DOCK9: variants seen among roughly 807,000 people sequenced by gnomAD.
DOCK9 encodes dedicator of cytokinesis 9.
In DOCK9, 89 loss-of-function variants were observed where a neutral mutation model predicts 263.3. That is an observed-to-expected ratio of 0.34 (90% CI 0.28 to 0.40). The LOEUF (loss-of-function observed/expected upper bound fraction) is 0.40. Among genes scored for constraint, DOCK9 ranks in the 10% least tolerant of loss-of-function variants. The pLI is 1.00. For missense variants in DOCK9, 2,140 were observed against 2,603.4 expected (o/e 0.82, Z 3.87); for synonymous variants, 976 against 973.1 (o/e 1.00, Z -0.06).
intron 1 of DOCK9, among the ~76,000 whole-genome samples, chr13:99,000,687 A>C (rs1396000793): frequency 6.6e-6 from 1 of 152,216 alleles, no homozygotes; most frequent in Non-Finnish European, 1.5e-5. Context: ...CAGCTTGGAA[A>C]TGAATGACAA....
intron 3 of DOCK9, 131 bp from the exon 4 acceptor site, chr13:98,926,050 T>C (rs9557092): frequency 0.2 from 116,365 of 587,000 alleles, 13,871 homozygotes; most frequent in East Asian, 0.35. Flanking sequence ...AACGAGCTAA[T>C]GCCTGAAATT....
rs369397122 is a variant in DOCK9 at position 98,868,261 on chromosome 13, G to A, written c.3060C>T (p.Asn1020=). 279 of 1,613,902 alleles carry A rather than the reference G, an allele frequency of 1.7e-4. 2 individuals are homozygous for A. The highest frequency in any genetic ancestry group is 1.3e-3 in the African/African-American group (98 of 75,010). The change falls in exon 28 of 53, where the codon AAC becomes AAT. Residue 1020 remains asparagine, a synonymous_variant. Transcript: ENST00000682017. ...TGAAGACAGCAAGGCTATGATTCGC[G>A]TTCTTAGATGCCTCTGGATTATCTC... The part of the protein sequence containing the change: ...KFRDNPEASK[N]ANHSLAVFIK...
chr13:98,832,415 T>C (rs747148385), intron 39 of DOCK9, among the ~76,000 whole-genome samples: 1 of 151,950 alleles, frequency 6.6e-6, no homozygotes, highest in Non-Finnish European at 1.5e-5. Context: ...AGACATGAGA[T>C]CAAGTGTAGA....
At chr13:98,916,528 C>T (rs2050916993) in intron 7 of DOCK9, among the ~76,000 whole-genome samples, 1 of 152,202 alleles carries the variant, frequency 6.6e-6, no homozygotes, top group African/African-American at 2.4e-5. Flanking sequence ...AGGGACAGGG[C>T]AACCCTCCCA....
chr13:98,976,143 G>T lies in DOCK9; in HGVS notation c.126+1641C>A, dbSNP rs61566451. Among the ~76,000 whole-genome samples, 591 of 152,286 alleles carry T rather than the reference G, an allele frequency of 3.9e-3. 1 individual carries two copies. The highest frequency in any genetic ancestry group is 0.013 in the African/African-American group (549 of 41,550). On this transcript the variant is annotated intron_variant, in intron 1 of 52. Transcript: ENST00000682017. The stretch of plus-strand genomic sequence containing the variant: ...GAAAAAACTTCTGGTATCACTGTTG[G>T]CTTCCTCACTCCCTCACCCCTCTCT...
intron 38 of DOCK9, among the ~76,000 whole-genome samples, chr13:98,839,438 C>G (rs911839413): frequency 6.6e-6 from 1 of 152,214 alleles, no homozygotes; most frequent in Non-Finnish European, 1.5e-5. Flanking sequence ...AAAGTGATCA[C>G]ATACTGTGGT....
chr13:99,079,406 G>A (rs2042038117), intron 1 of DOCK9, among the ~76,000 whole-genome samples: 1 of 152,182 alleles, frequency 6.6e-6, no homozygotes, highest in Non-Finnish European at 1.5e-5. Context: ...TAACCTGTGT[G>A]TGAAGCCTTC....
At chr13:98,899,796 A>G (rs1242849078) in intron 13 of DOCK9, among the ~76,000 whole-genome samples, 1 of 152,252 alleles carries the variant, frequency 6.6e-6, no homozygotes, top group African/African-American at 2.4e-5. Context: ...TAGCTCTCGG[A>G]CATATGAAGG....
At chr13:98,996,121 G>C (rs1426557570) in intron 1 of DOCK9, among the ~76,000 whole-genome samples, 3 of 152,202 alleles carry the variant, frequency 2.0e-5, no homozygotes, top group Non-Finnish European at 4.4e-5. Flanking sequence ...TACGCACTGG[G>C]ATGAGGTATA....
intron 1 of DOCK9, among the ~76,000 whole-genome samples, chr13:98,962,394 A>G (rs2058730195): frequency 6.6e-6 from 1 of 152,196 alleles, no homozygotes; most frequent in Non-Finnish European, 1.5e-5. Flanking sequence ...GAAAGCCCCT[A>G]AAATTCTGTA....
chr13:99,031,413 C>A (rs1303270945), intron 1 of DOCK9, among the ~76,000 whole-genome samples: 2 of 152,206 alleles, frequency 1.3e-5, no homozygotes, highest in Non-Finnish European at 2.9e-5. Flanking sequence ...AAAGTCCCTG[C>A]TCCTTCCAGC....
Position 98,883,844 on chromosome 13 carries a change from G to C in DOCK9, c.2438C>G (p.Ser813Cys). 4 of 1,612,552 alleles carry C rather than the reference G, an allele frequency of 2.5e-6. No individual in the cohort carries two copies. The highest frequency in any genetic ancestry group is 3.4e-6 in the Non-Finnish European group (4 of 1,179,436). ...ATACACTGTAGAAACCAGATGAGTGGAAATTTTCAGCAGTGGCTTGCCTCC... is the reference window on the plus strand; with the variant it reads ...ATACACTGTAGAAACCAGATGAGTGCAAATTTTCAGCAGTGGCTTGCCTCC... ...VDGGKPLLKI[S>C]THLVSTVYTQ... The change falls in exon 22 of 53, where the codon TCC (serine) becomes TGC (cysteine). Residue 813 changes from serine (S) to cysteine (C), a missense_variant. Ser to Cys is a moderately radical substitution (Grantham distance 112). Around this residue, in one of 2 missense-constraint regions of DOCK9, gnomAD observed 1,521 missense variants for 1,741.7 expected, o/e 0.87. Transcript: ENST00000682017.
chr13:98,837,312 T>TCAAG (rs1312766303), intron 39 of DOCK9, among the ~76,000 whole-genome samples, 182 bp downstream of exon 39: 3 of 152,202 alleles, frequency 2.0e-5, no homozygotes, highest in Non-Finnish European at 4.4e-5. Context: ...TTCAGGGCAT[T>TCAAG]CAAGCCATTC....
chr13:99,030,156 T>C (rs1163575220), intron 1 of DOCK9, among the ~76,000 whole-genome samples: 4 of 152,230 alleles, frequency 2.6e-5, no homozygotes, highest in African/African-American at 7.2e-5. Context: ...TCAAGAGTAA[T>C]TGAAATGTTC....
rs9584956 is a variant in DOCK9, at chr13:98,860,520, A to C, written c.3582T>G (p.Thr1194=). The C allele has an allele frequency of 1.3e-6, 2 of 1,562,866 alleles. No homozygotes were observed. Among genetic ancestry groups the C allele is most frequent in the African/African-American group, 2.7e-5 (2 of 73,660 alleles). The part of the protein sequence containing the change: ...VSPFPVNAGM[T]VKDESLALPA... ...GTAGAGCCAGGGATTCATCCTTCAC[A>C]GTCTGTCAAGGAGAGGAAAGCAGAA... Residue 1194 remains threonine (T), a splice_region_variant and synonymous_variant, in exon 33 of 53, where the codon ACT becomes ACG. Coordinates refer to ENST00000682017, the MANE Select transcript of DOCK9 (RefSeq NM_001366683.2).
chr13:98,923,295 A>T lies in DOCK9; in HGVS notation c.486+7T>A, dbSNP rs1285768015. On this transcript the variant is annotated splice_region_variant and intron_variant, in intron 5 of 52. Coordinates refer to ENST00000682017, the MANE Select transcript of DOCK9 (RefSeq NM_001366683.2). ...AAAAGAGAAGCAACAGCAAGCAGGT[A>T]TCCCACCTCATCTTTGTCGACCTCC... The T allele has an allele frequency of 9.3e-6, 15 of 1,612,116 alleles. No homozygotes were observed. The highest frequency in any genetic ancestry group is 1.3e-5 in the Non-Finnish European group (15 of 1,178,212).
intron 1 of DOCK9, among the ~76,000 whole-genome samples, chr13:98,962,235 G>T (rs1482773706): frequency 6.6e-6 from 1 of 152,092 alleles, no homozygotes; most frequent in Non-Finnish European, 1.5e-5. Flanking sequence ...TGTATCTAGA[G>T]GTTCATTGAT....
At chr13:98,827,694 C>T (rs1225592629) in intron 43 of DOCK9, among the ~76,000 whole-genome samples, 3 of 152,232 alleles carry the variant, frequency 2.0e-5, no homozygotes, top group African/African-American at 7.2e-5. Flanking sequence ...GAGTTATGTA[C>T]TGTCCAGTCC....
chr13:99,070,981 A>T (rs1402499080), intron 1 of DOCK9, among the ~76,000 whole-genome samples: 1 of 152,196 alleles, frequency 6.6e-6, no homozygotes, highest in Non-Finnish European at 1.5e-5. Flanking sequence ...TCTGTATATT[A>T]CAGTTAACTC....
Sources: gnomAD v4.1 joint callset for allele counts (sites outside exome capture counted in the v4.1 genomes callset) on GRCh38, gnomAD v4.1.1 for gene constraint, gnomAD v4.1.1 regional missense constraint, MANE v1.5 for transcripts, NCBI Gene and HGNC (gene_info 2026-07-23, HGNC 2026-07-21) for gene names.